Variants in FAM221A observed in about 807,000 individuals in gnomAD.
FAM221A encodes the protein family with sequence similarity 221 member A.
Under a neutral mutation model 37.6 loss-of-function variants are expected in FAM221A, and 43 were observed. That is an observed-to-expected ratio of 1.15 (90% CI 0.90 to 1.48). The LOEUF is 1.48. Among genes scored for constraint, FAM221A ranks in the 40% most tolerant of loss-of-function variants. The pLI is 0.00. For missense variants in FAM221A, 361 were observed against 361.5 expected, an observed-to-expected ratio of 1.00 and a Z score of 0.01; for synonymous variants, 135 against 132.9, an observed-to-expected ratio of 1.02 and a Z score of -0.11.
rs1428019697 is a variant in FAM221A at position 23,689,416 on chromosome 7, T to G, written c.387T>G (p.Phe129Leu). ...CCATTCGCTGCAGGTGCAAACACTT[T>G]GCTGATCAGCACAGTGCTGCGCCTG... is the stretch of plus-strand genomic sequence containing the variant. The part of the protein sequence containing the change: ...SQPIRCRCKH[F>L]ADQHSAAPGF... The change falls in exon 3 of 7, where the codon TTT becomes TTG. Residue 129 changes from phenylalanine to leucine, a missense_variant. Phe to Leu is a conservative substitution (Grantham distance 22, BLOSUM62 0). Transcript: ENST00000344962. 4 of 1,605,114 alleles carry G rather than the reference T, an allele frequency of 2.5e-6. No homozygotes were observed. The highest frequency in any genetic ancestry group is 3.4e-6 in the Non-Finnish European group (4 of 1,173,084).
Position 23,684,678 on chromosome 7 carries a change from A to G in FAM221A, c.239+6A>G, listed in dbSNP as rs780771415. On this transcript the variant is annotated splice_donor_region_variant and intron_variant, in intron 2 of 6. Coordinates refer to ENST00000344962, the MANE Select transcript of FAM221A (RefSeq NM_199136.5). ...CTGTGTTTTTGTACACATAGGTAAG[A>G]TACTTTATTGCAAAGTTTTTTGATA... is the stretch of plus-strand genomic sequence containing the variant. 2 of 1,578,810 alleles carry G rather than the reference A, an allele frequency of 1.3e-6. No individual in the cohort carries two copies. The highest frequency in any genetic ancestry group is 3.9e-5 in the Admixed American group (2 of 50,684).
intron 5 of FAM221A, among the ~76,000 whole-genome samples, chr7:23,700,271 C>G (rs1354712676): frequency 1.3e-5 from 2 of 152,172 alleles, no homozygotes; most frequent in African/African-American, 2.4e-5. Context: ...CCAAGAAAAC[C>G]AGATGTTTTC....
intron 4 of FAM221A, chr7:23,693,188 T>C (rs1297040940): frequency 6.6e-6 from 1 of 152,236 alleles, no homozygotes; most frequent in Non-Finnish European, 1.5e-5. Context: ...AGTAAAACTA[T>C]TGGAGCGTGT....
Position 23,685,405 on chromosome 7 carries a change from C to T in FAM221A, c.239+733C>T, listed in dbSNP as rs565491739. On this transcript the variant is annotated intron_variant, in intron 2 of 6. Transcript: ENST00000344962. ...ATGGAGTCTGTCACCTTAAGCAGTTCTCTTGCCATTGGTAAAAATGTTTGG... is the reference window on the plus strand; with the variant it reads ...ATGGAGTCTGTCACCTTAAGCAGTTTTCTTGCCATTGGTAAAAATGTTTGG... Among the ~76,000 whole-genome samples, 5 of 152,344 alleles carry T rather than the reference C, an allele frequency of 3.3e-5. No individual in the cohort carries two copies. The South Asian group carries it at 1.0e-3, about 32-fold the overall frequency.
intron 1 of FAM221A, 22 bp from the exon 2 acceptor site, chr7:23,684,477 G>C: frequency 6.5e-7 from 1 of 1,540,216 alleles, no homozygotes; most frequent in Non-Finnish European, 8.8e-7. Flanking sequence ...AAGCTTAAGA[G>C]AAATATATAT....
Position 23,680,205 on chromosome 7 carries a change from C to T in FAM221A, c.-14C>T, listed in dbSNP as rs1562511557. The T allele has an allele frequency of 4.5e-6, 7 of 1,548,570 alleles. No individual in the cohort carries two copies. In the Admixed American group the frequency reaches 1.4e-4, roughly 30 times the overall value. On this transcript the variant is annotated 5_prime_UTR_variant, in exon 1 of 7. Transcript: ENST00000344962. ...AGCTGGTCCGCAGGGAAGCCTTTGGCTTCCCCACCGGCAATGGAGCGGTTG... is the reference window on the plus strand; with the variant it reads ...AGCTGGTCCGCAGGGAAGCCTTTGGTTTCCCCACCGGCAATGGAGCGGTTG...
intron 6 of FAM221A, among the ~76,000 whole-genome samples, chr7:23,701,150 T>A (rs904724195): frequency 9.2e-5 from 14 of 152,088 alleles, no homozygotes; most frequent in Non-Finnish European, 1.9e-4. Context: ...GTAAATTATA[T>A]GTATCTTGAA....
At chr7:23,702,070 T>C (rs777050412) in intron 6 of FAM221A, 26 bp from the exon 7 acceptor site, 1 of 1,498,890 alleles carries the variant, frequency 6.7e-7, no homozygotes, top group South Asian at 1.2e-5. Flanking sequence ...CAAGTTATTA[T>C]ATCAATAAAT....
At chr7:23,682,173 C>CT (rs1784078150) in intron 1 of FAM221A, among the ~76,000 whole-genome samples, 2 of 150,166 alleles carry the variant, frequency 1.3e-5, no homozygotes, top group South Asian at 4.2e-4. Flanking sequence ...TGAAGCGACT[C>CT]TCTCTTCTCA....
intron 6 of FAM221A, among the ~76,000 whole-genome samples, chr7:23,701,394 C>T (rs1228773259): frequency 6.6e-6 from 1 of 151,924 alleles, no homozygotes; most frequent in African/African-American, 2.4e-5. Context: ...CGCCCACCAC[C>T]ATGCCCAGCT....
chr7:23,686,267 C>CTTT (rs199776307), intron 2 of FAM221A: 136 of 390,328 alleles, frequency 3.5e-4, no homozygotes, highest in Middle Eastern at 8.5e-4. Context: ...TCCAACTCAA[C>CTTT]TTTTTTTTTT....
chr7:23,691,231 A>G (rs143058993), intron 3 of FAM221A, among the ~76,000 whole-genome samples, 159 bp from the exon 4 acceptor site: 3 of 151,558 alleles, frequency 2.0e-5, no homozygotes, highest in African/African-American at 7.3e-5. Flanking sequence ...GGCATGTTTT[A>G]GAAGTAAGAA....
At chr7:23,691,680 AT>A in intron 4 of FAM221A, 84 bp downstream of exon 4, 1 of 1,142,916 alleles carries the variant, frequency 8.7e-7, no homozygotes, top group Non-Finnish European at 1.3e-6. Context: ...TTGTTAAGCA[AT>A]TTATAGTATT....
chr7:23,697,149 G>A (rs1466311018), intron 4 of FAM221A, among the ~76,000 whole-genome samples: 2 of 152,186 alleles, frequency 1.3e-5, no homozygotes, highest in East Asian at 1.9e-4. Flanking sequence ...ACATGCAGCC[G>A]CCAGAGGGCA....
chr7:23,695,130 G>A (rs549322668), intron 4 of FAM221A, among the ~76,000 whole-genome samples: 24 of 152,178 alleles, frequency 1.6e-4, no homozygotes, highest in African/African-American at 5.8e-4. Flanking sequence ...CAGTATGCCT[G>A]GCTAATATTT....
intron 4 of FAM221A, among the ~76,000 whole-genome samples, chr7:23,695,069 A>G (rs1352941342): frequency 6.6e-6 from 1 of 152,170 alleles, no homozygotes; most frequent in Non-Finnish European, 1.5e-5. Context: ...TCCTGGGCTT[A>G]AGCAGTCCTC....
intron 4 of FAM221A, chr7:23,692,730 A>C (rs1313415062): frequency 4.1e-5 from 40 of 982,486 alleles, no homozygotes; most frequent in South Asian, 4.7e-5. Flanking sequence ...ACCCTTGAAT[A>C]CTTCTCTTTG....
chr7:23,691,002 G>T (rs1451657096), intron 3 of FAM221A, among the ~76,000 whole-genome samples: 1 of 152,112 alleles, frequency 6.6e-6, no homozygotes, highest in African/African-American at 2.4e-5. Flanking sequence ...TGTGTCTACA[G>T]GTTGGCCTTC....
Position 23,684,493 on chromosome 7 carries a change from T to A in FAM221A, c.66-6T>A. On this transcript the variant is annotated splice_region_variant and splice_polypyrimidine_tract_variant and intron_variant, in intron 1 of 6. Transcript: ENST00000344962. ...AGCTTAAGAGAAATATATATTTTTG[T>A]TGTAGAATTGTTGGTGAGGATGATG... 1.3e-6 allele frequency: 2 copies of A among 1,593,830 alleles called. No homozygotes were observed. Among genetic ancestry groups the A allele is most frequent in the Non-Finnish European group, 1.7e-6 (2 of 1,168,744 alleles).
Sources: allele counts gnomAD v4.1 joint callset (sites outside exome capture counted in the v4.1 genomes callset), GRCh38; gene constraint gnomAD v4.1.1; transcripts MANE v1.5; gene names NCBI Gene and HGNC (gene_info 2026-07-23, HGNC 2026-07-21).